CCSER1: variants seen among roughly 807,000 people sequenced by gnomAD.
The protein encoded by CCSER1 is serine-rich coiled-coil domain-containing protein 1.
A neutral mutation model predicts 82.0 loss-of-function variants in CCSER1; 41 were observed. The observed-to-expected ratio is 0.50, with a 90% CI of 0.39 to 0.65. The LOEUF (loss-of-function observed/expected upper bound fraction) is 0.65, where lower values mean the gene tolerates loss of function less well. CCSER1 is among the 30% of genes least tolerant of loss of function. The pLI, the probability that CCSER1 is intolerant of heterozygous loss-of-function variation, is 0.00. For missense variants in CCSER1, 1,119 were observed against 1,064.2 expected (o/e 1.05, Z -0.72); for synonymous variants, 414 against 383.9 (o/e 1.08, Z -0.92).
chr4:91,257,029 T>G (rs965354835), intron 10 of CCSER1, among the ~76,000 whole-genome samples: 2 of 152,182 alleles, frequency 1.3e-5, no homozygotes, highest in Non-Finnish European at 2.9e-5. Flanking sequence ...CATTATTTTT[T>G]TATACATTTT....
At position 91,158,002 on chromosome 4, in the gene CCSER1, CAGAA is replaced by C. The variant is rs529594314; in HGVS notation, c.2217+72011_2217+72014del. Among the ~76,000 whole-genome samples, 116 of 152,064 alleles carry C rather than the reference CAGAA, an allele frequency of 7.6e-4. 2 individuals are homozygous for C. The highest frequency in any genetic ancestry group is 2.4e-3 in the African/African-American group (98 of 41,544). ...GTTGAAAGCAGTATATTCTACTTCTCAGAAAGCCAAATTTGGTAAAACAAAATGT... is the reference window on the plus strand; with the variant it reads ...GTTGAAAGCAGTATATTCTACTTCTCAGCCAAATTTGGTAAAACAAAATGT... On this transcript the variant is annotated intron_variant, in intron 10 of 10. Coordinates refer to ENST00000509176, the MANE Select transcript of CCSER1 (RefSeq NM_001145065.2).
At position 90,309,012 on chromosome 4, in the gene CCSER1, A is replaced by G. The variant is rs1734835675; in HGVS notation, c.728A>G (p.Gln243Arg). The G allele has an allele frequency of 1.9e-6, 3 of 1,613,820 alleles. No individual in the cohort carries two copies. The highest frequency in any genetic ancestry group is 2.5e-6 in the Non-Finnish European group (3 of 1,179,858). The change falls in exon 2 of 11, where the codon CAA (glutamine) becomes CGA (arginine). Residue 243 changes from glutamine (Q) to arginine (R), a missense_variant. Gln to Arg is a conservative substitution (Grantham distance 43). Coordinates refer to ENST00000509176, the MANE Select transcript of CCSER1 (RefSeq NM_001145065.2). ...DVTERAGSSL[Q>R]SPLLSADLTT... ...ACAGAACGGGCAGGAAGCTCTTTAC[A>G]ATCTCCTTTGCTTTCTGCTGATCTT...
intron 1 of CCSER1, among the ~76,000 whole-genome samples, chr4:90,296,869 A>G (rs1287547750): frequency 6.6e-6 from 1 of 152,160 alleles, no homozygotes; most frequent in African/African-American, 2.4e-5. Context: ...TTTTGGTACC[A>G]GTACCATGCT....
At chr4:90,732,124 G>A (rs2149407063) in intron 7 of CCSER1, among the ~76,000 whole-genome samples, 1 of 149,284 alleles carries the variant, frequency 6.7e-6, no homozygotes, top group East Asian at 2.0e-4. Context: ...ACTAGCTTGA[G>A]CTTTCTCACA....
intron 10 of CCSER1, among the ~76,000 whole-genome samples, chr4:91,157,809 A>G (rs1336097315): frequency 1.3e-5 from 2 of 152,040 alleles, no homozygotes; most frequent in Non-Finnish European, 2.9e-5. Flanking sequence ...AGCATAATAA[A>G]TGGCCAAACA....
chr4:90,959,740 C>CTTTT (rs57697228), intron 9 of CCSER1, among the ~76,000 whole-genome samples: 1 of 141,104 alleles, frequency 7.1e-6, no homozygotes, highest in Non-Finnish European at 1.5e-5. Flanking sequence ...CTCGGGTTTT[C>CTTTT]TTTTTTTTTT....
At chr4:91,105,165 T>C (rs1453679781) in intron 10 of CCSER1, among the ~76,000 whole-genome samples, 2 of 152,200 alleles carry the variant, frequency 1.3e-5, no homozygotes, top group Admixed American at 6.5e-5. Flanking sequence ...CTGTGTCAGA[T>C]AATTATCCTT....
Position 91,474,317 on chromosome 4 carries a change from A to T in CCSER1, c.2218-124255A>T, listed in dbSNP as rs1029664770. On this transcript the variant is annotated intron_variant, in intron 10 of 10. Coordinates refer to ENST00000509176, the MANE Select transcript of CCSER1 (RefSeq NM_001145065.2). ...AATAATTTAAACATCCAGACTAGGA[A>T]ATAAAAATGAATTAATAATGGATAA... Among the ~76,000 whole-genome samples the T allele has an allele frequency of 2.0e-5, 3 of 152,008 alleles. 1 individual carries two copies. Among genetic ancestry groups the T allele is most frequent in the Admixed American group, 2.0e-4 (3 of 15,230 alleles).
At chr4:90,838,929 G>C in intron 8 of CCSER1, 1 of 1,613,468 alleles carries the variant, frequency 6.2e-7, no homozygotes, top group Non-Finnish European at 8.5e-7. Context: ...TGCTTCTCCT[G>C]TTCAATCGTT....
chr4:91,290,926 A>T lies in CCSER1; in HGVS notation c.2217+204932A>T, dbSNP rs148946839. ...AAATAAAAGAATGTCTTGATTTTAT[A>T]TTTTCCTTTTAAATAATTAATGAGC... On this transcript the variant is annotated intron_variant, in intron 10 of 10. Coordinates refer to ENST00000509176, the MANE Select transcript of CCSER1 (RefSeq NM_001145065.2). 6.0e-4 allele frequency among the ~76,000 whole-genome samples: 91 copies of T among 152,006 alleles called. 1 individual carries two copies. The East Asian group carries it at 0.013, about 22-fold the overall frequency.
chr4:91,547,813 G>A (rs559911523), intron 10 of CCSER1, among the ~76,000 whole-genome samples: 4 of 151,920 alleles, frequency 2.6e-5, no homozygotes, highest in Admixed American at 6.6e-5. Context: ...ACAGAGTCTG[G>A]CTCTGTTGCC....
chr4:90,189,918 T>A (rs1471850597), intron 1 of CCSER1, among the ~76,000 whole-genome samples: 2 of 151,972 alleles, frequency 1.3e-5, no homozygotes, highest in Non-Finnish European at 2.9e-5. Flanking sequence ...AAGCATATAG[T>A]TTAGTTTGGA....
intron 10 of CCSER1, among the ~76,000 whole-genome samples, chr4:91,317,439 C>A (rs146115849): frequency 2.6e-5 from 4 of 151,916 alleles, no homozygotes; most frequent in African/African-American, 9.7e-5. Flanking sequence ...CTACACCCTC[C>A]CCATTCTCTT....
intron 8 of CCSER1, among the ~76,000 whole-genome samples, chr4:90,896,217 G>T (rs1038695450): frequency 6.6e-6 from 1 of 151,936 alleles, no homozygotes; most frequent in Non-Finnish European, 1.5e-5. Flanking sequence ...TCTGCACGAA[G>T]AAAAAATTAG....
intron 7 of CCSER1, among the ~76,000 whole-genome samples, chr4:90,734,228 C>T (rs1024677963): frequency 1.3e-5 from 2 of 151,826 alleles, no homozygotes; most frequent in African/African-American, 4.8e-5. Flanking sequence ...TGGGTTCTTG[C>T]CATTCTCCTG....
rs1730707286 is a variant in CCSER1, at chr4:90,661,197, C to G, written c.1932+32965C>G. ...AATTATAACTTACCTACAGAATCCC[C>G]TGTATTGAGGTTGGTTTTTAACTGT... On this transcript the variant is annotated intron_variant, in intron 6 of 10. Coordinates refer to ENST00000509176, the MANE Select transcript of CCSER1 (RefSeq NM_001145065.2). Among the ~76,000 whole-genome samples the G allele has an allele frequency of 2.0e-5, 3 of 152,112 alleles. No individual in the cohort carries two copies. The South Asian group carries it at 6.2e-4, about 31-fold the overall frequency.
chr4:90,916,757 C>G (rs1366012788), intron 8 of CCSER1, among the ~76,000 whole-genome samples: 1 of 152,110 alleles, frequency 6.6e-6, no homozygotes, highest in Non-Finnish European at 1.5e-5. Context: ...TTTTTGCAAT[C>G]TACTCATCTG....
intron 5 of CCSER1, among the ~76,000 whole-genome samples, chr4:90,499,428 C>A (rs1426008463): frequency 6.6e-6 from 1 of 152,078 alleles, no homozygotes; most frequent in Non-Finnish European, 1.5e-5. Flanking sequence ...GATTTCTTAG[C>A]AAAAACTGTG....
At position 91,047,269 on chromosome 4, in the gene CCSER1, A is replaced by G. The variant is rs184075053; in HGVS notation, c.2173-38681A>G. On this transcript the variant is annotated intron_variant, in intron 9 of 10. Transcript: ENST00000509176. ...ACACACACACATATATATATTTCTC[A>G]AAAGCATATGTATAACACATACATA... is the stretch of plus-strand genomic sequence containing the variant. 3.5e-3 allele frequency among the ~76,000 whole-genome samples: 535 copies of G among 152,248 alleles called. 6 individuals are homozygous for G. Among genetic ancestry groups the G allele is most frequent in the African/African-American group, 0.012 (505 of 41,530 alleles).
Sources: gnomAD v4.1 joint callset for allele counts (sites outside exome capture counted in the v4.1 genomes callset) on GRCh38, gnomAD v4.1.1 for gene constraint, MANE v1.5 for transcripts, NCBI Gene and HGNC (gene_info 2026-07-23, HGNC 2026-07-21) for gene names.